Variants in ARPC1B observed in about 807,000 individuals in gnomAD.
ARPC1B encodes actin related protein 2/3 complex subunit 1B.
A neutral mutation model predicts 46.0 loss-of-function variants in ARPC1B; 29 were observed. That is an observed-to-expected ratio of 0.63 (90% confidence interval 0.47 to 0.86). ARPC1B has a LOEUF of 0.86. Among genes scored for constraint, ARPC1B ranks in the 40% least tolerant of loss-of-function variants. The pLI is 0.00. For missense variants in ARPC1B, 469 were observed against 529.4 expected (o/e 0.89, Z 1.12); for synonymous variants, 201 against 213.9 (o/e 0.94, Z 0.53).
At chr7:99,390,369 ATTT>A (rs768452207) in intron 5 of ARPC1B, among the ~76,000 whole-genome samples, 2 of 140,548 alleles carry the variant, frequency 1.4e-5, no homozygotes, top group Non-Finnish European at 1.6e-5. Context: ...GCTAGACAGG[ATTT>A]TTTTTTTTTT....
intron 8 of ARPC1B, 120 bp downstream of exon 8, chr7:99,392,996 G>T: frequency 9.0e-7 from 1 of 1,105,488 alleles, no homozygotes; most frequent in Non-Finnish European, 1.2e-6. Flanking sequence ...CTTGAGGACT[G>T]GGGACCCGGA....
At chr7:99,388,415 G>T in intron 4 of ARPC1B, 154 bp downstream of exon 4, 1 of 746,442 alleles carries the variant, frequency 1.3e-6, no homozygotes, top group Middle Eastern at 3.8e-4. Context: ...ATGAGGCAAG[G>T]GCCTCTCTGC....
intron 1 of ARPC1B, among the ~76,000 whole-genome samples, chr7:99,375,506 G>T (rs1052176502): frequency 6.6e-6 from 1 of 152,166 alleles, no homozygotes; most frequent in South Asian, 2.1e-4. Context: ...TGGGAGAGCA[G>T]CCAGGCCGCC....
Position 99,391,264 on chromosome 7 carries a change from G to C in ARPC1B, c.783+11G>C, listed in dbSNP as rs1052158523. On this transcript the variant is annotated intron_variant, in intron 7 of 9. Coordinates refer to ENST00000646101, the MANE Select transcript of ARPC1B (RefSeq NM_005720.4). ...AGCCTGGTGGCAGCGGTGAGGAATA[G>C]GGAGGGGAGGGAGGGTGTGTGGTCA... 1 of 1,612,434 alleles carries C rather than the reference G, an allele frequency of 6.2e-7. No homozygotes were observed. Among genetic ancestry groups the C allele is most frequent in the African/African-American group, 1.3e-5 (1 of 74,910 alleles).
intron 1 of ARPC1B, among the ~76,000 whole-genome samples, chr7:99,383,332 T>TACAC (rs199794463): frequency 6.6e-6 from 1 of 151,702 alleles, no homozygotes; most frequent in Non-Finnish European, 1.5e-5. Flanking sequence ...TTCTCAAATA[T>TACAC]ACACACACAC....
In ARPC1B at chr7:99,394,495, G is replaced by C; in HGVS notation, c.*6G>C. 6.2e-7 allele frequency: 1 copy of C among 1,614,080 alleles called. No homozygotes were observed. Among genetic ancestry groups the C allele is most frequent in the Non-Finnish European group, 8.5e-7 (1 of 1,180,036 alleles). ...AGGACCTCAAGATCAAATGACCTGTGAGGAATATGTTGCCTTCATCCTAGC... is the reference window on the plus strand; with the variant it reads ...AGGACCTCAAGATCAAATGACCTGTCAGGAATATGTTGCCTTCATCCTAGC... On this transcript the variant is annotated 3_prime_UTR_variant, in exon 10 of 10. Transcript: ENST00000646101.
Position 99,394,473 on chromosome 7 carries a change from A to T in ARPC1B, c.1103A>T (p.Asp368Val). Reference protein sequence around the residue: ...DVKSLESALKDLKIK With the variant: ...DVKSLESALKVLKIK ...CAGAGCTTGGAGTCAGCCTTGAAGG[A>T]CCTCAAGATCAAATGACCTGTGAGG... is the stretch of plus-strand genomic sequence containing the variant. The change falls in exon 10 of 10, where the codon GAC becomes GTC. Residue 368 changes from aspartate to valine, a missense_variant. Asp to Val is a radical substitution (Grantham distance 152, BLOSUM62 -3). Transcript: ENST00000646101. The T allele has an allele frequency of 6.2e-7, 1 of 1,614,000 alleles. No homozygotes were observed. The highest frequency in any genetic ancestry group is 8.5e-7 in the Non-Finnish European group (1 of 1,179,988).
rs1185587141 is a variant in ARPC1B, at chr7:99,388,268, A to G, written c.392+7A>G. On this transcript the variant is annotated splice_region_variant and intron_variant, in intron 4 of 9. Coordinates refer to ENST00000646101, the MANE Select transcript of ARPC1B (RefSeq NM_005720.4). ...TCGAGCAGGAGAATGACTGGTGGGT[A>G]CCTAGGCAGGGCCAGAGTGGGCTGT... 1 of 1,613,220 alleles carries G rather than the reference A, an allele frequency of 6.2e-7. No homozygotes were observed. Among genetic ancestry groups the G allele is most frequent in the Non-Finnish European group, 8.5e-7 (1 of 1,179,284 alleles).
intron 1 of ARPC1B, among the ~76,000 whole-genome samples, chr7:99,384,415 C>T (rs1055786166): frequency 1.3e-5 from 2 of 150,434 alleles, no homozygotes; most frequent in Admixed American, 6.6e-5. Context: ...TGTGAGACCC[C>T]CCTCTCTACA....
chr7:99,389,580 T>G (rs966061890), intron 4 of ARPC1B: 16 of 278,614 alleles, frequency 5.7e-5, no homozygotes, highest in Admixed American at 1.4e-4. Flanking sequence ...CAGGAGCATC[T>G]GAGAGACCCA....
chr7:99,377,857 T>G (rs1385923390), intron 1 of ARPC1B, among the ~76,000 whole-genome samples: 2 of 151,836 alleles, frequency 1.3e-5, no homozygotes, highest in Non-Finnish European at 2.9e-5. Flanking sequence ...GGTCTCAAAC[T>G]CCTGACCTCA....
chr7:99,377,786 C>G (rs1794073482), intron 1 of ARPC1B, among the ~76,000 whole-genome samples: 1 of 151,740 alleles, frequency 6.6e-6, no homozygotes, highest in South Asian at 2.1e-4. Context: ...AAGTGCCCAC[C>G]ACCAAGCCCA....
intron 5 of ARPC1B, among the ~76,000 whole-genome samples, chr7:99,390,533 T>C (rs1025165996): frequency 2.0e-5 from 3 of 152,020 alleles, no homozygotes; most frequent in East Asian, 1.9e-4. Context: ...CATGCCACCA[T>C]GCCCGGCTAA....
Position 99,394,779 on chromosome 7 carries a change from T to TTTA in ARPC1B, c.*290_*291insTTA. 1 of 957,550 alleles carries TTTA rather than the reference T, an allele frequency of 1.0e-6. No homozygotes were observed. The highest frequency in any genetic ancestry group is 5.3e-5 in the South Asian group (1 of 18,738). 59.3% of individuals were successfully genotyped at this position (957,550 alleles called of 1,614,324 possible). On this transcript the variant is annotated 3_prime_UTR_variant, in exon 10 of 10. Transcript: ENST00000646101. ...GTGGAGGTAATAAAATGCAACTGTGTAAAAAAAAAAAAAAAAAAAAAAGTA... is the reference window on the plus strand; with the variant it reads ...GTGGAGGTAATAAAATGCAACTGTGTTTAAAAAAAAAAAAAAAAAAAAAAAGTA...
rs1478578595 is a variant in ARPC1B, at chr7:99,392,686, C to T, written c.799C>T (p.Pro267Ser). Residue 267 changes from proline to serine, a missense_variant, in exon 8 of 10, where the codon CCG becomes TCG. Transcript: ENST00000646101. Reference protein sequence around the residue: ...SLVAAGHDCFPVLFTYDAAAG... With the variant: ...SLVAAGHDCFSVLFTYDAAAG... ...CTCCGCGCAGGGCCACGACTGCTTCCCGGTGCTGTTCACCTATGACGCCGC... is the reference window on the plus strand; with the variant it reads ...CTCCGCGCAGGGCCACGACTGCTTCTCGGTGCTGTTCACCTATGACGCCGC... The T allele has an allele frequency of 6.5e-7, 1 of 1,536,826 alleles. No individual in the cohort carries two copies. Among genetic ancestry groups the T allele is most frequent in the Admixed American group, 2.0e-5 (1 of 50,534 alleles).
At chr7:99,394,266 C>G in intron 9 of ARPC1B, 147 bp downstream of exon 9, 1 of 1,108,718 alleles carries the variant, frequency 9.0e-7, no homozygotes, top group Non-Finnish European at 1.3e-6. Context: ...CCCTTGACAT[C>G]TGGGCCTTGG....
chr7:99,388,756 C>T (rs1316728107), intron 4 of ARPC1B: 1 of 153,988 alleles, frequency 6.5e-6, no homozygotes, highest in Non-Finnish European at 1.4e-5. Context: ...CCTCAGCCTC[C>T]CAAGTAGCTG....
Position 99,388,272 on chromosome 7 carries a change from AG to A in ARPC1B, c.392+13del. 1 of 1,612,792 alleles carries A rather than the reference AG, an allele frequency of 6.2e-7. No homozygotes were observed. The highest frequency in any genetic ancestry group is 1.7e-4 in the Middle Eastern group (1 of 6,054). The stretch of plus-strand genomic sequence containing the variant: ...GCAGGAGAATGACTGGTGGGTACCT[AG>A]GCAGGGCCAGAGTGGGCTGTTAGGG... On this transcript the variant is annotated intron_variant, in intron 4 of 9. Coordinates refer to ENST00000646101, the MANE Select transcript of ARPC1B (RefSeq NM_005720.4).
chr7:99,377,393 G>C (rs1032615472), intron 1 of ARPC1B: 1 of 150,280 alleles, frequency 6.7e-6, no homozygotes, highest in African/African-American at 2.4e-5. Context: ...ACTCACTGCA[G>C]CATCTGCCTC....
Sources: allele counts gnomAD v4.1 joint callset (sites outside exome capture counted in the v4.1 genomes callset), GRCh38; gene constraint gnomAD v4.1.1; transcripts MANE v1.5; gene names NCBI Gene and HGNC (gene_info 2026-07-23, HGNC 2026-07-21).